RGS9: variants seen among roughly 807,000 people sequenced by gnomAD.
RGS9 encodes regulator of G-protein signalling 9.
Under a neutral mutation model 102.0 loss-of-function variants are expected in RGS9, and 78 were observed. The observed-to-expected ratio is 0.76, with a 90% confidence interval of 0.64 to 0.92. The LOEUF (loss-of-function observed/expected upper bound fraction) is 0.92, where lower values mean the gene tolerates loss of function less well. Among genes scored for constraint, RGS9 ranks in the 40% least tolerant of loss-of-function variants. RGS9 has a pLI of 0.00. For missense variants in RGS9, 833 were observed against 866.1 expected (o/e 0.96, Z 0.48); for synonymous variants, 353 against 318.6 (o/e 1.11, Z -1.15).
chr17:65,149,098 A>C (rs1598559176), intron 1 of RGS9, among the ~76,000 whole-genome samples: 2 of 150,690 alleles, frequency 1.3e-5, no homozygotes, highest in Admixed American at 1.3e-4. Context: ...AGTAGCTGGG[A>C]TTGTAGGCGC....
chr17:65,210,549 C>G lies in RGS9; in HGVS notation c.1351C>G (p.Gln451Glu), dbSNP rs577900681. 1.8e-5 allele frequency: 29 copies of G among 1,614,094 alleles called. No homozygotes were observed. The African/African-American group carries it at 2.9e-4, about 16-fold the overall frequency. The stretch of plus-strand genomic sequence containing the variant: ...CAGCCCAAGCCCTGTCATCCTGAGA[C>G]AGCTGGAAGAGGAAGCCAAGGCCCG... ...RSSPSPVILR[Q>E]LEEEAKAREA... Residue 451 changes from glutamine (Q) to glutamate (E), a missense_variant, in exon 17 of 19, where the codon CAG (glutamine) becomes GAG (glutamate). By Grantham distance (29) the Gln-to-Glu change is conservative. This residue lies in a region of RGS9 where 185 missense variants were observed against 248.7 expected (regional missense o/e 0.74). Coordinates refer to ENST00000262406, the MANE Select transcript of RGS9 (RefSeq NM_003835.4).
chr17:65,141,426 T>A (rs980670559), intron 1 of RGS9, among the ~76,000 whole-genome samples: 2 of 152,236 alleles, frequency 1.3e-5, no homozygotes, highest in South Asian at 4.1e-4. Context: ...GACAGCTTTG[T>A]TTTCCTGTGC....
In RGS9 at chr17:65,158,356, A is replaced by G; in HGVS notation, c.205+11A>G. The stretch of plus-strand genomic sequence containing the variant: ...GGATCTCCAGTCTGGGTGAGAGCTC[A>G]TCTGGCACTCAGTTATCCGGGACAG... On this transcript the variant is annotated intron_variant, in intron 3 of 18. Coordinates refer to ENST00000262406, the MANE Select transcript of RGS9 (RefSeq NM_003835.4). 6.3e-7 allele frequency: 1 copy of G among 1,599,916 alleles called. No individual in the cohort carries two copies. Among genetic ancestry groups the G allele is most frequent in the South Asian group, 1.1e-5 (1 of 90,782 alleles).
intron 17 of RGS9, among the ~76,000 whole-genome samples, chr17:65,216,681 C>T (rs1292957871): frequency 6.6e-6 from 1 of 152,172 alleles, no homozygotes; most frequent in Non-Finnish European, 1.5e-5. Flanking sequence ...TCCCCCTACT[C>T]CTAAGTCCCA....
chr17:65,151,284 G>A (rs1910568013), intron 1 of RGS9, among the ~76,000 whole-genome samples: 2 of 151,420 alleles, frequency 1.3e-5, no homozygotes, highest in East Asian at 3.9e-4. Flanking sequence ...AGTGGCGGTT[G>A]CAGTGAGCCA....
intron 12 of RGS9, among the ~76,000 whole-genome samples, chr17:65,195,396 T>C (rs1912544992): frequency 1.3e-5 from 2 of 152,292 alleles, no homozygotes; most frequent in South Asian, 2.1e-4. Context: ...AACTCCCCAT[T>C]AAAGTGGGAA....
At chr17:65,192,547 A>G (rs112067434) in intron 11 of RGS9, among the ~76,000 whole-genome samples, 3,235 of 152,038 alleles carry the variant, frequency 0.021, 109 homozygotes, top group African/African-American at 0.074. Flanking sequence ...TGGGGAGGTC[A>G]AGGCTGCAGT....
chr17:65,214,561 C>T (rs964271148), intron 17 of RGS9, among the ~76,000 whole-genome samples: 1 of 152,186 alleles, frequency 6.6e-6, no homozygotes, highest in Non-Finnish European at 1.5e-5. Context: ...AGTAGGGTGT[C>T]ATCAGATAGA....
intron 15 of RGS9, among the ~76,000 whole-genome samples, chr17:65,207,216 T>A (rs1913096616): frequency 6.6e-6 from 1 of 152,196 alleles, no homozygotes; most frequent in Non-Finnish European, 1.5e-5. Context: ...GTGGGCTCCA[T>A]ACTCCTGGCT....
At position 65,158,375 on chromosome 17, in the gene RGS9, G is replaced by C. The variant is rs371632438; in HGVS notation, c.205+30G>C. ...GAGCTCATCTGGCACTCAGTTATCC[G>C]GGACAGCTTTGTGTACAGCACCATG... is the stretch of plus-strand genomic sequence containing the variant. On this transcript the variant is annotated intron_variant, in intron 3 of 18. Coordinates refer to ENST00000262406, the MANE Select transcript of RGS9 (RefSeq NM_003835.4). 1.0e-4 allele frequency: 166 copies of C among 1,606,632 alleles called. No homozygotes were observed. The African/African-American group carries it at 1.7e-3, about 17-fold the overall frequency.
chr17:65,202,146 G>C (rs1413081808), intron 14 of RGS9, 66 bp downstream of exon 14: 15 of 1,119,250 alleles, frequency 1.3e-5, no homozygotes, highest in Non-Finnish European at 2.0e-5. Context: ...CATTGTGCTT[G>C]AGGTGAAGAT....
At chr17:65,174,264 G>T (rs1333660147) in intron 8 of RGS9, among the ~76,000 whole-genome samples, 1 of 152,218 alleles carries the variant, frequency 6.6e-6, no homozygotes, top group Non-Finnish European at 1.5e-5. Flanking sequence ...ACGAATTCAA[G>T]ACTTGAGCAG....
intron 17 of RGS9, among the ~76,000 whole-genome samples, chr17:65,217,889 G>C (rs1320595675): frequency 1.3e-5 from 2 of 152,174 alleles, no homozygotes; most frequent in Non-Finnish European, 2.9e-5. Context: ...GCTAAGTTAA[G>C]GTAAGATCAA....
intron 9 of RGS9, among the ~76,000 whole-genome samples, chr17:65,182,353 C>G (rs1014069453): frequency 1.4e-4 from 21 of 152,336 alleles, no homozygotes; most frequent in African/African-American, 5.1e-4. Flanking sequence ...GTGCGCCACC[C>G]TTTGTAACGG....
chr17:65,138,518 T>A (rs1910000610), intron 1 of RGS9, among the ~76,000 whole-genome samples: 3 of 152,080 alleles, frequency 2.0e-5, no homozygotes, highest in African/African-American at 7.2e-5. Context: ...ACCTGGACAG[T>A]CCTGGGGACC....
At chr17:65,186,742 A>G (rs1912139590) in intron 9 of RGS9, among the ~76,000 whole-genome samples, 1 of 152,230 alleles carries the variant, frequency 6.6e-6, no homozygotes, top group African/African-American at 2.4e-5. Flanking sequence ...AACCTCTCAG[A>G]AGCTTTGTTT....
chr17:65,202,448 AGAGAGAGAGAGAGAGAGAGT>A (rs1912893980), intron 14 of RGS9, among the ~76,000 whole-genome samples: 1 of 123,426 alleles, frequency 8.1e-6, no homozygotes, highest in Non-Finnish European at 1.7e-5. Context: ...TGTGTGTGAG[AGAGAGAGAGAGAGAGAGAGT>A]GAGAGAGAGA....
rs77029531 is a variant in RGS9 at position 65,187,168 on chromosome 17, C to A, written c.655-2118C>A. 8.9e-3 allele frequency among the ~76,000 whole-genome samples: 1,352 copies of A among 152,186 alleles called. 19 individuals are homozygous for A. Among genetic ancestry groups the A allele is most frequent in the African/African-American group, 0.031 (1,293 of 41,482 alleles). ...AAAATGTCCCCATTCTTCTAGGCCC[C>A]CAAGCATGCTGAAGTCATCATTTAT... On this transcript the variant is annotated intron_variant, in intron 9 of 18. Coordinates refer to ENST00000262406, the MANE Select transcript of RGS9 (RefSeq NM_003835.4).
chr17:65,193,684 T>A, intron 12 of RGS9, 28 bp downstream of exon 12: 1 of 1,418,956 alleles, frequency 7.0e-7, no homozygotes, highest in South Asian at 1.1e-5. Flanking sequence ...TGGTGTTTTT[T>A]AAAAAACCGT....
Sources: allele counts gnomAD v4.1 joint callset (sites outside exome capture counted in the v4.1 genomes callset), GRCh38; gene constraint gnomAD v4.1.1; regional missense constraint gnomAD v4.1.1; transcripts MANE v1.5; gene names NCBI Gene and HGNC (gene_info 2026-07-23, HGNC 2026-07-21).